The following NELL1 variants were observed in gnomAD, a reference collection of about 807,000 sequenced individuals.
NELL1 encodes the protein neural EGFL like 1.
Under a neutral mutation model 107.4 loss-of-function variants are expected in NELL1, and 76 were observed. The observed-to-expected ratio is 0.71, with a 90% CI of 0.59 to 0.86. The LOEUF (loss-of-function observed/expected upper bound fraction) is 0.86. Ranked by LOEUF, NELL1 falls within the 40% of genes least tolerant of loss-of-function variation. The pLI is 0.00. For synonymous variants in NELL1, 353 were observed against 341.2 expected (o/e 1.03, Z -0.38); for missense variants, 1,024 against 1,005.5 (o/e 1.02, Z -0.25).
chr11:20,889,412 T>G (rs1849572483), intron 5 of NELL1, among the ~76,000 whole-genome samples: 1 of 152,116 alleles, frequency 6.6e-6, no homozygotes, highest in Non-Finnish European at 1.5e-5. Context: ...TGAGAATGAG[T>G]GTGACATAAA....
intron 14 of NELL1, among the ~76,000 whole-genome samples, chr11:21,348,590 G>C (rs1372127682): frequency 6.6e-6 from 1 of 151,938 alleles, no homozygotes; most frequent in East Asian, 1.9e-4. Flanking sequence ...TTTGGGGTGG[G>C]GTTAAAAGAA....
intron 2 of NELL1, among the ~76,000 whole-genome samples, chr11:20,724,384 AG>A (rs1471982745): frequency 6.6e-6 from 1 of 152,150 alleles, no homozygotes; most frequent in African/African-American, 2.4e-5. Context: ...TCTCTTCGTG[AG>A]CATATATAAC....
chr11:20,918,142 A>G, intron 5 of NELL1, 40 bp from the exon 6 acceptor site: 1 of 1,103,678 alleles, frequency 9.1e-7, no homozygotes. Flanking sequence ...TGAGCTGGTG[A>G]CTGTAATCTT....
intron 15 of NELL1, among the ~76,000 whole-genome samples, chr11:21,495,580 CCAAA>C (rs759855160): frequency 7.9e-5 from 12 of 152,058 alleles, no homozygotes; most frequent in South Asian, 2.1e-4. Flanking sequence ...TAAGAAACTA[CCAAA>C]CAGTTTTGCA....
At chr11:20,767,350 C>T (rs190319315) in intron 2 of NELL1, among the ~76,000 whole-genome samples, 73 of 152,262 alleles carry the variant, frequency 4.8e-4, no homozygotes, top group Non-Finnish European at 8.1e-4. Context: ...TCCCCACCCA[C>T]GTCCTGCTGA....
chr11:20,725,847 A>G (rs1270023039), intron 2 of NELL1, among the ~76,000 whole-genome samples: 3 of 152,178 alleles, frequency 2.0e-5, no homozygotes, highest in Admixed American at 6.5e-5. Context: ...GAATGATCCC[A>G]TCATCCAAGT....
At chr11:21,558,886 A>G (rs2133999355) in intron 16 of NELL1, among the ~76,000 whole-genome samples, 1 of 152,158 alleles carries the variant, frequency 6.6e-6, no homozygotes, top group South Asian at 2.1e-4. Context: ...GGCTATATGA[A>G]AGGAGCACCA....
chr11:21,156,763 G>A (rs961518609), intron 13 of NELL1, among the ~76,000 whole-genome samples: 2 of 152,026 alleles, frequency 1.3e-5, no homozygotes, highest in African/African-American at 4.8e-5. Context: ...ATAATGCTGA[G>A]ACTTAAGGGT....
rs546706941 is a variant in NELL1, at chr11:21,204,887, A to C, written c.1427-24445A>C. Among the ~76,000 whole-genome samples, 194 of 152,148 alleles carry C rather than the reference A, an allele frequency of 1.3e-3. 1 individual carries two copies. Among genetic ancestry groups the C allele is most frequent in the Non-Finnish European group, 2.4e-3 (166 of 68,004 alleles). On this transcript the variant is annotated intron_variant, in intron 13 of 19. Coordinates refer to ENST00000357134, the MANE Select transcript of NELL1 (RefSeq NM_006157.5). ...GGCCCCTCTGCTGCAGGTTTGCTAG[A>C]GTTTGCTGGAGGTCCACTCCAGACC...
intron 12 of NELL1, among the ~76,000 whole-genome samples, chr11:20,992,651 T>C (rs1852000317): frequency 6.6e-6 from 1 of 151,738 alleles, no homozygotes; most frequent in African/African-American, 2.4e-5. Context: ...TTCTAACCAA[T>C]GTCCAGGGCT....
At chr11:21,045,172 A>G (rs1176301488) in intron 12 of NELL1, among the ~76,000 whole-genome samples, 1 of 152,160 alleles carries the variant, frequency 6.6e-6, no homozygotes, top group Non-Finnish European at 1.5e-5. Context: ...ATGAGTGAGA[A>G]ATGTGGCAGA....
chr11:21,145,897 A>G (rs1255315242), intron 13 of NELL1, among the ~76,000 whole-genome samples: 1 of 152,120 alleles, frequency 6.6e-6, no homozygotes, highest in Non-Finnish European at 1.5e-5. Context: ...TTTCTTCTCT[A>G]CTTCTTTTAT....
intron 13 of NELL1, among the ~76,000 whole-genome samples, chr11:21,132,245 A>G (rs1855636636): frequency 6.6e-6 from 1 of 152,094 alleles, no homozygotes. Context: ...GCGTGCACAC[A>G]CACAGGGCAA....
rs553570450 is a variant in NELL1 at position 21,408,792 on chromosome 11, G to A, written c.1645+37844G>A. On this transcript the variant is annotated intron_variant, in intron 15 of 19. Coordinates refer to ENST00000357134, the MANE Select transcript of NELL1 (RefSeq NM_006157.5). ...AAAGGACATGAACAGACACTTCTCAGAAGAAGACATTTATGCAGCCAAAAA... is the reference window on the plus strand; with the variant it reads ...AAAGGACATGAACAGACACTTCTCAAAAGAAGACATTTATGCAGCCAAAAA... 4.6e-5 allele frequency among the ~76,000 whole-genome samples: 7 copies of A among 152,106 alleles called. No individual in the cohort carries two copies. In the East Asian group the frequency reaches 5.8e-4, roughly 13 times the overall value.
At position 21,573,255 on chromosome 11, in the gene NELL1, G is replaced by A. The variant is rs766308588; in HGVS notation, c.2228G>A (p.Gly743Glu). 3.7e-6 allele frequency: 6 copies of A among 1,612,430 alleles called. No homozygotes were observed. Among genetic ancestry groups the A allele is most frequent in the Non-Finnish European group, 5.1e-6 (6 of 1,179,034 alleles). Residue 743 changes from glycine to glutamate, a missense_variant, in exon 19 of 20, where the codon GGG (glycine) becomes GAG (glutamate). By Grantham distance (98) the Gly-to-Glu change is moderately conservative. Coordinates refer to ENST00000357134, the MANE Select transcript of NELL1 (RefSeq NM_006157.5). ...TGTGAGTATACAGCTATCTTAGAAGGGGAATGTTGTCCCCGCTGTGTCAGT... is the reference window on the plus strand; with the variant it reads ...TGTGAGTATACAGCTATCTTAGAAGAGGAATGTTGTCCCCGCTGTGTCAGT... ...LSCEYTAILE[G>E]ECCPRCVSDP... is the part of the protein sequence containing the mutation.
At chr11:20,781,508 A>T (rs1480010287) in intron 2 of NELL1, among the ~76,000 whole-genome samples, 1 of 152,110 alleles carries the variant, frequency 6.6e-6, no homozygotes, top group Non-Finnish European at 1.5e-5. Context: ...AGCTGATAGG[A>T]TATTCATATC....
chr11:20,993,806 A>G (rs2134261965), intron 12 of NELL1, among the ~76,000 whole-genome samples: 1 of 150,326 alleles, frequency 6.7e-6, no homozygotes, highest in South Asian at 2.1e-4. Flanking sequence ...TTTCCCCAAT[A>G]TTTTTGACCT....
chr11:21,100,623 C>T (rs1854781387), intron 12 of NELL1, among the ~76,000 whole-genome samples: 1 of 152,178 alleles, frequency 6.6e-6, no homozygotes, highest in Non-Finnish European at 1.5e-5. Context: ...GAACTGAAAG[C>T]AGACACTTGA....
At chr11:20,712,602 G>A (rs1056012728) in intron 2 of NELL1, among the ~76,000 whole-genome samples, 2 of 152,190 alleles carry the variant, frequency 1.3e-5, no homozygotes, top group Admixed American at 1.3e-4. Context: ...CTTTTGGGTA[G>A]AGTAATCCAG....
Sources: gnomAD v4.1 joint callset for allele counts (sites outside exome capture counted in the v4.1 genomes callset) on GRCh38, gnomAD v4.1.1 for gene constraint, MANE v1.5 for transcripts, NCBI Gene and HGNC (gene_info 2026-07-23, HGNC 2026-07-21) for gene names.